The following RGS22 variants were observed in gnomAD, a reference collection of about 807,000 sequenced individuals.
RGS22 encodes regulator of G protein signaling 22.
RGS22 carries 148 observed loss-of-function variants against 172.9 expected under a neutral mutation model. The ratio of observed to expected loss-of-function variants is 0.86; its 90% confidence interval spans 0.75 to 0.98. RGS22 has a LOEUF of 0.98. RGS22 is among the 50% of genes least tolerant of loss of function. RGS22 has a pLI of 0.00. For synonymous variants in RGS22, 458 were observed against 480.2 expected, an observed-to-expected ratio of 0.95 and a Z score of 0.60; for missense variants, 1,347 against 1,440.8, an observed-to-expected ratio of 0.93 and a Z score of 1.05.
intron 14 of RGS22, among the ~76,000 whole-genome samples, chr8:100,028,006 C>CAT (rs947407757): frequency 6.6e-6 from 1 of 152,016 alleles, no homozygotes; most frequent in Non-Finnish European, 1.5e-5. Context: ...TTTTTATAAA[C>CAT]ATATATATAG....
At chr8:100,102,749 T>G (rs1192029312) in intron 2 of RGS22, among the ~76,000 whole-genome samples, 1 of 152,210 alleles carries the variant, frequency 6.6e-6, no homozygotes, top group East Asian at 1.9e-4. Flanking sequence ...ATAGTTTGGC[T>G]GGGGCAGGAG....
At chr8:99,974,629 C>G (rs530068771) in intron 23 of RGS22, among the ~76,000 whole-genome samples, 4 of 151,132 alleles carry the variant, frequency 2.6e-5, no homozygotes, top group Non-Finnish European at 5.9e-5. Context: ...GAAACCCCAT[C>G]TCTACTAAAA....
rs971804385 is a variant in RGS22, at chr8:99,982,115, T to A, written c.3182A>T (p.Asp1061Val). Residue 1061 changes from aspartate (D) to valine (V), a missense_variant and splice_region_variant, in exon 22 of 28, where the codon GAC becomes GTC. Transcript: ENST00000360863. ...LFWQEVQKYK[D>V]LCHSHCDESV... ...CTCATCACAATGAGAATGGCACAAG[T>A]CCTGAACAGAAGGAAAGATAGAATG... is the stretch of plus-strand genomic sequence containing the variant. 2 of 1,607,354 alleles carry A rather than the reference T, an allele frequency of 1.2e-6. No homozygotes were observed. The highest frequency in any genetic ancestry group is 2.7e-5 in the African/African-American group (2 of 74,542).
intron 14 of RGS22, among the ~76,000 whole-genome samples, chr8:100,017,295 T>G (rs1035856429): frequency 3.3e-5 from 5 of 151,906 alleles, no homozygotes; most frequent in Admixed American, 2.0e-4. Context: ...TATTGAAAAA[T>G]CACAGAACTG....
intron 14 of RGS22, among the ~76,000 whole-genome samples, chr8:100,033,603 G>A (rs1048389357): frequency 3.2e-4 from 48 of 150,578 alleles, no homozygotes; most frequent in Non-Finnish European, 6.2e-4. Flanking sequence ...GGTACAAAGA[G>A]GACCTGGTAC....
chr8:100,064,226 G>A (rs1563690598), intron 7 of RGS22, among the ~76,000 whole-genome samples, 183 bp from the exon 8 acceptor site: 1 of 152,122 alleles, frequency 6.6e-6, no homozygotes, highest in African/African-American at 2.4e-5. Context: ...CCAGCACTTT[G>A]GGAGGCCATG....
intron 14 of RGS22, among the ~76,000 whole-genome samples, chr8:100,021,488 T>A (rs1817595681): frequency 6.6e-6 from 1 of 152,142 alleles, no homozygotes; most frequent in South Asian, 2.1e-4. Context: ...GATGAGAAAG[T>A]ACAAGGAACA....
At position 100,062,790 on chromosome 8, in the gene RGS22, T is replaced by C. The variant is rs574372759; in HGVS notation, c.1353-38A>G. 88 of 1,485,028 alleles carry C rather than the reference T, an allele frequency of 5.9e-5. No individual in the cohort carries two copies. The Admixed American group carries it at 1.5e-3, about 25-fold the overall frequency. The allele number at this position is 1,485,028 out of a possible 1,614,324, so 92.0% of individuals were successfully genotyped here. A position where few individuals can be genotyped will look rare whatever the true frequency, so the allele number is the denominator to read the frequency against. ...ACATTTCCATATATACACACACACA[T>C]TGGTAGAATATTCAACTACCAAAAT... On this transcript the variant is annotated intron_variant, in intron 8 of 27. Coordinates refer to ENST00000360863, the MANE Select transcript of RGS22 (RefSeq NM_015668.5).
chr8:99,978,467 A>G (rs1392029351), intron 22 of RGS22, among the ~76,000 whole-genome samples: 2 of 152,190 alleles, frequency 1.3e-5, no homozygotes, highest in Non-Finnish European at 2.9e-5. Context: ...TGTCCAGTTC[A>G]TCAAGGAAAC....
chr8:100,073,653 C>T (rs548408645), intron 4 of RGS22, among the ~76,000 whole-genome samples: 21 of 152,258 alleles, frequency 1.4e-4, no homozygotes, highest in African/African-American at 4.6e-4. Flanking sequence ...CCTGAACGCC[C>T]ACTAGCGCTA....
At chr8:99,967,085 AG>A (rs1421122616) in intron 23 of RGS22, among the ~76,000 whole-genome samples, 1 of 152,186 alleles carries the variant, frequency 6.6e-6, no homozygotes, top group East Asian at 1.9e-4. Context: ...GAGCAGAAGC[AG>A]GGTGGGGTGT....
intron 15 of RGS22, among the ~76,000 whole-genome samples, chr8:100,007,149 C>T (rs541177584): frequency 1.5e-4 from 23 of 152,168 alleles, no homozygotes; most frequent in Non-Finnish European, 2.8e-4. Context: ...GTTTCAGTCA[C>T]GATCCAATAA....
At position 100,073,261 on chromosome 8, in the gene RGS22, A is replaced by G. The variant is rs192123285; in HGVS notation, c.340-1031T>C. Among the ~76,000 whole-genome samples, 371 of 152,306 alleles carry G rather than the reference A, an allele frequency of 2.4e-3. 3 individuals carry two copies. Among genetic ancestry groups the G allele is most frequent in the African/African-American group, 8.5e-3 (353 of 41,564 alleles). Reference sequence around the variant, plus strand: ...CATAAGAGTTAACACATAGACCATTACAAACTCTAGTGAGGAAATTGAATG... The same window carrying G: ...CATAAGAGTTAACACATAGACCATTGCAAACTCTAGTGAGGAAATTGAATG... On this transcript the variant is annotated intron_variant, in intron 4 of 27. Transcript: ENST00000360863.
intron 11 of RGS22, among the ~76,000 whole-genome samples, chr8:100,043,248 A>T (rs1359358553): frequency 6.6e-6 from 1 of 152,118 alleles, no homozygotes; most frequent in Admixed American, 6.6e-5. Context: ...ACTTCTTTCC[A>T]TGTTGTCTCA....
At chr8:100,028,644 C>G (rs1818440198) in intron 14 of RGS22, among the ~76,000 whole-genome samples, 1 of 152,070 alleles carries the variant, frequency 6.6e-6, no homozygotes, top group Non-Finnish European at 1.5e-5. Flanking sequence ...CTACCAGAAA[C>G]AGCATAGATA....
At chr8:100,008,592 G>C (rs1816005990) in intron 14 of RGS22, 23 bp from the exon 15 acceptor site, 1 of 1,579,150 alleles carries the variant, frequency 6.3e-7, no homozygotes. Flanking sequence ...AGGGAAGAAG[G>C]GAGAAGATGT....
chr8:100,076,621 T>C (rs186407078), intron 4 of RGS22, among the ~76,000 whole-genome samples: 2 of 152,344 alleles, frequency 1.3e-5, no homozygotes, highest in African/African-American at 4.8e-5. Context: ...AAACTGTGAA[T>C]CCAACTTCTG....
At chr8:100,002,446 A>T (rs540510330) in intron 17 of RGS22, 82 bp from the exon 18 acceptor site, 1 of 1,381,798 alleles carries the variant, frequency 7.2e-7, no homozygotes, top group Non-Finnish European at 9.8e-7. Flanking sequence ...TTGTTTTGAC[A>T]GAACTTAGAA....
intron 23 of RGS22, among the ~76,000 whole-genome samples, chr8:99,976,627 C>G (rs1811983877): frequency 6.6e-6 from 1 of 152,216 alleles, no homozygotes; most frequent in African/African-American, 2.4e-5. Flanking sequence ...TCCCAAAGTG[C>G]TGGGATTACA....
Sources: allele counts gnomAD v4.1 joint callset (sites outside exome capture counted in the v4.1 genomes callset), GRCh38; gene constraint gnomAD v4.1.1; transcripts MANE v1.5; gene names NCBI Gene and HGNC (gene_info 2026-07-23, HGNC 2026-07-21).